Variants in SCART1 observed in about 807,000 individuals in gnomAD.
SCART1 encodes the protein scavenger receptor family member expressed on T cells 1, also known as scavenger receptor cysteine-rich domain-containing protein SCART1.
In SCART1, 62 loss-of-function variants were observed where a neutral mutation model predicts 36.2. That is an observed-to-expected ratio of 1.71 (90% CI 1.40 to 2.12). SCART1 has a LOEUF of 2.12. Ranked by LOEUF, SCART1 falls within the 30% of genes most tolerant of loss-of-function variation. The pLI, the probability that SCART1 is intolerant of heterozygous loss-of-function variation, is 0.00. For missense variants in SCART1, 1,041 were observed against 540.5 expected (o/e 1.93, Z -9.18); for synonymous variants, 487 against 238.7 (o/e 2.04, Z -9.59).
chr10:133,458,722 C>A, intron 4 of SCART1, 66 bp downstream of exon 4: 1 of 688,500 alleles, frequency 1.5e-6, no homozygotes, highest in South Asian at 1.5e-5. Context: ...TCCCTTCGTG[C>A]CCTAAAGGTG....
At chr10:133,457,878 CGGGGTTGGG>C in intron 3 of SCART1, 5 of 532,444 alleles carry the variant, frequency 9.4e-6, no homozygotes, top group Admixed American at 7.1e-5. Context: ...TAACATGGAT[CGGGGTTGGG>C]TAGAGGTCAC....
rs1564835861 is a variant in SCART1, at chr10:133,465,273, C to CG, written c.2372dup (p.Glu792ArgfsTer159). 1.5e-6 allele frequency: 1 copy of CG among 688,162 alleles called. No individual in the cohort carries two copies. 42.6% of individuals were successfully genotyped at this position (688,162 alleles called of 1,614,324 possible). The stretch of plus-strand genomic sequence containing the variant: ...CAGAGGAGGGCGCACTGCGCGTGCG[C>CG]GGGGGCGAGGACCGCTGCTCCGGGC... On this transcript the variant is annotated frameshift_variant, in exon 9 of 12. Transcript: ENST00000640237. LOFTEE classifies it high-confidence loss of function.
intron 3 of SCART1, 93 bp downstream of exon 3, chr10:133,457,668 C>A: frequency 1.7e-6 from 1 of 592,000 alleles, no homozygotes. Flanking sequence ...GGCGTTCCCA[C>A]GGATGGGCCC....
At chr10:133,465,255 G>T in exon 9 of SCART1, 1 of 695,236 alleles carries the variant, frequency 1.4e-6, no homozygotes, top group South Asian at 1.5e-5. Flanking sequence ...TTGCAGAGGA[G>T]GGCGCACTGC....
exon 12 of SCART1, chr10:133,467,856 A>G (rs1286311410): frequency 4.4e-6 from 3 of 683,138 alleles, no homozygotes; most frequent in Admixed American, 2.1e-5. Flanking sequence ...GTTTCAGGGG[A>G]GGTGTCTAAC....
chr10:133,454,079 C>A lies in SCART1; in HGVS notation c.67+15C>A, dbSNP rs1850579963. 1.4e-6 allele frequency: 1 copy of A among 702,902 alleles called. No homozygotes were observed. Among genetic ancestry groups the A allele is most frequent in the Non-Finnish European group, 2.6e-6 (1 of 384,996 alleles). 43.5% of individuals were successfully genotyped at this position (702,902 alleles called of 1,614,324 possible). Reference sequence around the variant, plus strand: ...AGTCCCCATTGGTAAGTTTCTGCTTCCTTCATCCATGGAACTTTCTGGAGG... The same window carrying A: ...AGTCCCCATTGGTAAGTTTCTGCTTACTTCATCCATGGAACTTTCTGGAGG... On this transcript the variant is annotated intron_variant, in intron 1 of 11. Transcript: ENST00000640237.
intron 9 of SCART1, 185 bp downstream of exon 9, chr10:133,465,750 T>A (rs1442171255): frequency 1.8e-5 from 12 of 660,642 alleles, no homozygotes; most frequent in Non-Finnish European, 1.6e-5. Context: ...ATGCACTCCC[T>A]GGGGTTTCCC....
Position 133,466,986 on chromosome 10 carries a change from A to G in SCART1, c.2807-212A>G, listed in dbSNP as rs182004308. On this transcript the variant is annotated intron_variant, in intron 10 of 11. Transcript: ENST00000640237. ...AGGCAGCACATTGGGGCCCACTGGG[A>G]AGCATCATGTGGTTTGCTGGCAAGG... 2.2e-4 allele frequency: 104 copies of G among 482,116 alleles called. 1 individual carries two copies. Among genetic ancestry groups the G allele is most frequent in the Admixed American group, 1.8e-3 (50 of 27,346 alleles). The allele number at this position is 482,116 out of a possible 1,614,324, so 29.9% of individuals were successfully genotyped here. A position where few individuals can be genotyped will look rare whatever the true frequency, so the allele number is the denominator to read the frequency against.
At chr10:133,454,088 A>G (rs751746328) in intron 1 of SCART1, 24 bp downstream of exon 1, 1 of 702,450 alleles carries the variant, frequency 1.4e-6, no homozygotes, top group South Asian at 1.5e-5. Flanking sequence ...TCCTTCATCC[A>G]TGGAACTTTC....
intron 6 of SCART1, among the ~76,000 whole-genome samples, chr10:133,462,335 A>G (rs1485705676): frequency 6.6e-6 from 1 of 152,234 alleles, no homozygotes; most frequent in African/African-American, 2.4e-5. Flanking sequence ...AAGCTATTTT[A>G]AAGAAGAATT....
intron 6 of SCART1, chr10:133,464,322 CCT>C: frequency 2.6e-6 from 1 of 387,328 alleles, no homozygotes; most frequent in South Asian, 4.7e-5. Context: ...GTGCAGTGAA[CCT>C]GGGCGTGCAG....
chr10:133,466,602 C>A (rs1850768345), intron 10 of SCART1, among the ~76,000 whole-genome samples: 1 of 152,220 alleles, frequency 6.6e-6, no homozygotes, highest in Admixed American at 6.5e-5. Context: ...TGAAGACAAG[C>A]CATGTCCATG....
exon 5 of SCART1, chr10:133,459,309 C>T (rs1203628149): frequency 1.6e-6 from 1 of 643,246 alleles, no homozygotes; most frequent in Non-Finnish European, 2.8e-6. Context: ...GGAAACACAG[C>T]CTCCGCGGTC....
chr10:133,466,748 T>C (rs1850769662), intron 10 of SCART1, among the ~76,000 whole-genome samples: 2 of 152,224 alleles, frequency 1.3e-5, no homozygotes, highest in South Asian at 2.1e-4. Context: ...CATGCTCTTA[T>C]GCAAGGAACA....
chr10:133,459,877 G>A, exon 6 of SCART1: 1 of 551,804 alleles, frequency 1.8e-6, no homozygotes, highest in South Asian at 2.3e-5. Flanking sequence ...TCTCTCCACA[G>A]GGAGCCTCAG....
rs1170719104 is a variant in SCART1, at chr10:133,459,050, T to TG, written c.1010dup (p.Cys337TrpfsTer2). 8.6e-6 allele frequency: 6 copies of TG among 697,462 alleles called. No individual in the cohort carries two copies. The African/African-American group carries it at 1.1e-4, about 12-fold the overall frequency. The allele number at this position is 697,462 out of a possible 1,614,324, so 43.2% of individuals were successfully genotyped here. The stretch of plus-strand genomic sequence containing the variant: ...CAGGATGGTCAACGGCAGCAGCAGC[T>TG]GTGAGGGCCGCGTGGAGTTCCAGGT... On this transcript the variant is annotated frameshift_variant, in exon 5 of 12. Transcript: ENST00000640237. LOFTEE classifies it high-confidence loss of function.
intron 9 of SCART1, chr10:133,465,865 C>G: frequency 1.4e-6 from 1 of 690,404 alleles, no homozygotes; most frequent in Non-Finnish European, 2.7e-6. Context: ...GCACCTCATT[C>G]TCTTTGCAGA....
intron 9 of SCART1, 68 bp downstream of exon 9, chr10:133,465,633 AG>A (rs1850757001): frequency 1.2e-5 from 7 of 595,074 alleles, no homozygotes; most frequent in Non-Finnish European, 2.1e-5. Flanking sequence ...GTCAGTCTTG[AG>A]TGTCACTTCG....
chr10:133,463,630 T>G (rs1030988174), intron 6 of SCART1, among the ~76,000 whole-genome samples: 9 of 151,982 alleles, frequency 5.9e-5, no homozygotes, highest in Admixed American at 5.9e-4. Flanking sequence ...ATCACATAAT[T>G]TCCTTCTTAT....
Sources: allele counts gnomAD v4.1 joint callset (sites outside exome capture counted in the v4.1 genomes callset), GRCh38; gene constraint gnomAD v4.1.1; transcripts MANE v1.5; gene names NCBI Gene and HGNC (gene_info 2026-07-23, HGNC 2026-07-21).